Variants in KIAA0825 observed in about 807,000 individuals in gnomAD.
KIAA0825 encodes the protein KIAA0825.
A neutral mutation model predicts 147.6 loss-of-function variants in KIAA0825; 119 were observed. The ratio of observed to expected loss-of-function variants is 0.81; its 90% confidence interval spans 0.69 to 0.94. KIAA0825 has a LOEUF of 0.94. KIAA0825 is among the 40% of genes least tolerant of loss of function. KIAA0825 has a pLI of 0.00. For synonymous variants in KIAA0825, 470 were observed against 518.1 expected (o/e 0.91, Z 1.26); for missense variants, 1,381 against 1,472.7 (o/e 0.94, Z 1.02).
intron 20 of KIAA0825, among the ~76,000 whole-genome samples, chr5:94,249,067 C>T (rs931922783): frequency 2.7e-4 from 41 of 151,906 alleles, no homozygotes; most frequent in South Asian, 6.2e-4. Flanking sequence ...GAAGCCCGAT[C>T]GGGTTAAAAG....
chr5:94,586,941 C>T (rs1342847576), intron 1 of KIAA0825, among the ~76,000 whole-genome samples: 1 of 152,098 alleles, frequency 6.6e-6, no homozygotes, highest in African/African-American at 2.4e-5. Context: ...ATGACAAAAA[C>T]CACATGATTA....
intron 20 of KIAA0825, among the ~76,000 whole-genome samples, chr5:94,348,197 T>C (rs182279311): frequency 2.1e-4 from 32 of 152,176 alleles, no homozygotes; most frequent in African/African-American, 7.7e-4. Context: ...AAGAAGAGAA[T>C]TCTAAAAGTT....
chr5:94,178,840 C>G (rs886739868), intron 20 of KIAA0825, among the ~76,000 whole-genome samples: 1 of 151,998 alleles, frequency 6.6e-6, no homozygotes, highest in African/African-American at 2.4e-5. Flanking sequence ...AATTTATATT[C>G]ACATAAAAAT....
chr5:94,192,747 T>G (rs1242457926), intron 20 of KIAA0825, among the ~76,000 whole-genome samples: 1 of 152,136 alleles, frequency 6.6e-6, no homozygotes, highest in Non-Finnish European at 1.5e-5. Context: ...ACAAACACAA[T>G]TGGGTATAGA....
At chr5:94,361,515 TTAAA>T (rs971720369) in intron 20 of KIAA0825, among the ~76,000 whole-genome samples, 4 of 152,236 alleles carry the variant, frequency 2.6e-5, no homozygotes, top group African/African-American at 9.6e-5. Flanking sequence ...AGTAAAATTA[TTAAA>T]TAAAATGTGT....
At chr5:94,561,910 T>C (rs1052398313) in intron 2 of KIAA0825, among the ~76,000 whole-genome samples, 1 of 152,184 alleles carries the variant, frequency 6.6e-6, no homozygotes, top group Non-Finnish European at 1.5e-5. Flanking sequence ...AGGCTATATA[T>C]AACTATAATA....
At chr5:94,315,448 T>C (rs190373885) in intron 20 of KIAA0825, among the ~76,000 whole-genome samples, 19 of 151,812 alleles carry the variant, frequency 1.3e-4, no homozygotes, top group Non-Finnish European at 1.5e-4. Flanking sequence ...AAATGTTGAA[T>C]GCTATAGCAG....
At chr5:94,206,866 C>T (rs1403501894) in intron 20 of KIAA0825, among the ~76,000 whole-genome samples, 6 of 152,208 alleles carry the variant, frequency 3.9e-5, no homozygotes, top group East Asian at 1.9e-4. Context: ...TTTGCAAAAA[C>T]GGTTTTAGGG....
At chr5:94,577,214 AT>A in intron 2 of KIAA0825, among the ~76,000 whole-genome samples, 1 of 152,358 alleles carries the variant, frequency 6.6e-6, no homozygotes, top group East Asian at 1.9e-4. Flanking sequence ...TAAAGCTATG[AT>A]TGAAAAATCC....
chr5:94,164,955 GA>G (rs1767902455), intron 20 of KIAA0825, among the ~76,000 whole-genome samples: 1 of 152,122 alleles, frequency 6.6e-6, no homozygotes, highest in South Asian at 2.1e-4. Context: ...TCTGGCTAAA[GA>G]TTTCTTGAAC....
intron 8 of KIAA0825, among the ~76,000 whole-genome samples, chr5:94,472,701 G>A (rs1761372853): frequency 2.0e-5 from 3 of 152,118 alleles, no homozygotes; most frequent in Admixed American, 1.3e-4. Context: ...CCGAGATCGC[G>A]CCCCTGCACT....
chr5:94,574,828 C>T (rs1780703172), intron 2 of KIAA0825, among the ~76,000 whole-genome samples: 1 of 152,074 alleles, frequency 6.6e-6, no homozygotes, highest in Admixed American at 6.6e-5. Context: ...TAAACTCAAG[C>T]AATCCTCCTG....
chr5:94,187,250 T>C (rs935146048), intron 20 of KIAA0825, among the ~76,000 whole-genome samples: 1 of 151,464 alleles, frequency 6.6e-6, no homozygotes, highest in Non-Finnish European at 1.5e-5. Context: ...TTAGATGGCT[T>C]GAAGAAAAGT....
At chr5:94,398,607 A>G (rs1750980978) in intron 16 of KIAA0825, among the ~76,000 whole-genome samples, 1 of 152,072 alleles carries the variant, frequency 6.6e-6, no homozygotes, top group Admixed American at 6.6e-5. Flanking sequence ...TTATTTTTGT[A>G]TTATCATCTA....
chr5:94,511,370 C>G (rs2151164817), intron 5 of KIAA0825, among the ~76,000 whole-genome samples: 1 of 152,334 alleles, frequency 6.6e-6, no homozygotes, highest in South Asian at 2.1e-4. Flanking sequence ...CCTGTAATCC[C>G]AGTACTTTGG....
rs559276569 is a variant in KIAA0825 at position 94,337,997 on chromosome 5, T to C, written c.3710+46371A>G. Among the ~76,000 whole-genome samples the C allele has an allele frequency of 5.3e-5, 8 of 152,184 alleles. No homozygotes were observed. The South Asian group carries it at 8.3e-4, about 16-fold the overall frequency. On this transcript the variant is annotated intron_variant, in intron 20 of 20. Coordinates refer to ENST00000682413, the MANE Select transcript of KIAA0825 (RefSeq NM_001145678.3). The stretch of plus-strand genomic sequence containing the variant: ...CATAGGAGATGATGGTACCTTACAC[T>C]AAAGTGGTGAAAATGAAACCAGAAG...
In KIAA0825 at chr5:94,234,294, C is replaced by A. The variant is rs999070122; in HGVS notation, c.3711-80170G>T. On this transcript the variant is annotated intron_variant, in intron 20 of 20. Transcript: ENST00000682413. ...GCTGAGGCAGGAGAATGGCGTGAAC[C>A]CGGGAGGCGGAGCTTGCAGTGAGCC... Among the ~76,000 whole-genome samples, 14 of 151,832 alleles carry A rather than the reference C, an allele frequency of 9.2e-5. No homozygotes were observed. The East Asian group carries it at 2.5e-3, about 27-fold the overall frequency.
At chr5:94,561,922 C>G (rs571547114) in intron 2 of KIAA0825, among the ~76,000 whole-genome samples, 2 of 152,036 alleles carry the variant, frequency 1.3e-5, no homozygotes, top group Admixed American at 6.6e-5. Context: ...ACTATAATAA[C>G]GTAACTTGAG....
At chr5:94,323,234 CA>C (rs1434292779) in intron 20 of KIAA0825, among the ~76,000 whole-genome samples, 1 of 151,670 alleles carries the variant, frequency 6.6e-6, no homozygotes, top group African/African-American at 2.4e-5. Flanking sequence ...GGTTCATGTA[CA>C]AAAGAAAAAT....
Sources: allele counts gnomAD v4.1 joint callset (sites outside exome capture counted in the v4.1 genomes callset), GRCh38; gene constraint gnomAD v4.1.1; transcripts MANE v1.5; gene names NCBI Gene and HGNC (gene_info 2026-07-23, HGNC 2026-07-21).